The following PCSK5 variants were observed in gnomAD, a reference collection of about 807,000 sequenced individuals.
PCSK5 encodes the protein proprotein convertase subtilisin/kexin type 5, also known as prohormone convertase 5.
Under a neutral mutation model 233.2 loss-of-function variants are expected in PCSK5, and 129 were observed. That is an observed-to-expected ratio of 0.55 (90% CI 0.48 to 0.64). The LOEUF (loss-of-function observed/expected upper bound fraction) is 0.64, where lower values mean the gene tolerates loss of function less well. Ranked by LOEUF, PCSK5 falls within the 30% of genes least tolerant of loss-of-function variation. The pLI, the probability that PCSK5 is intolerant of heterozygous loss-of-function variation, is 0.00. For missense variants in PCSK5, 2,076 were observed against 2,430.1 expected (o/e 0.85, Z 3.06); for synonymous variants, 825 against 879.2 (o/e 0.94, Z 1.09).
At chr9:75,967,686 C>T (rs972461949) in intron 2 of PCSK5, among the ~76,000 whole-genome samples, 1 of 152,152 alleles carries the variant, frequency 6.6e-6, no homozygotes, top group Admixed American at 6.5e-5. Flanking sequence ...AAGGGGATTC[C>T]TCTGTTGCTA....
intron 2 of PCSK5, among the ~76,000 whole-genome samples, chr9:75,965,009 A>G (rs774615157): frequency 3.9e-5 from 6 of 152,266 alleles, no homozygotes; most frequent in Non-Finnish European, 8.8e-5. Flanking sequence ...GGGGGAACAG[A>G]CCTTTCCTAT....
chr9:75,936,369 T>C (rs1205114808), intron 2 of PCSK5, among the ~76,000 whole-genome samples: 1 of 152,270 alleles, frequency 6.6e-6, no homozygotes, highest in Non-Finnish European at 1.5e-5. Flanking sequence ...CATGCAATGC[T>C]GTTTGATAGC....
chr9:75,967,008 G>C (rs986647939), intron 2 of PCSK5, among the ~76,000 whole-genome samples: 7 of 152,138 alleles, frequency 4.6e-5, no homozygotes, highest in Admixed American at 3.9e-4. Context: ...AGTCTTCAAG[G>C]GGGGAAGGAG....
intron 2 of PCSK5, among the ~76,000 whole-genome samples, chr9:75,958,697 T>A (rs1825203559): frequency 6.6e-6 from 1 of 152,212 alleles, no homozygotes; most frequent in Admixed American, 6.5e-5. Context: ...TCTGTCTCTG[T>A]CTTTCATTGA....
At chr9:76,030,641 G>A (rs1004148132) in intron 5 of PCSK5, among the ~76,000 whole-genome samples, 25 of 152,048 alleles carry the variant, frequency 1.6e-4, no homozygotes, top group African/African-American at 5.6e-4. Context: ...AATGTTTCCT[G>A]CATGATTTTA....
rs961468571 is a variant in PCSK5, at chr9:76,094,642, C to T, written c.895-1248C>T. On this transcript the variant is annotated intron_variant, in intron 7 of 37. Coordinates refer to ENST00000674117, the MANE Select transcript of PCSK5 (RefSeq NM_001372043.1). ...TTTTCAAGATGGAGTCTCACTCTGT[C>T]GCCCAGCTGGAGTGCAGTGGCATGA... 2.6e-5 allele frequency among the ~76,000 whole-genome samples: 4 copies of T among 151,902 alleles called. No individual in the cohort carries two copies. In the South Asian group the frequency reaches 6.2e-4, roughly 24 times the overall value.
intron 12 of PCSK5, among the ~76,000 whole-genome samples, chr9:76,163,231 TTGAAAGTC>T (rs984117209): frequency 1.3e-5 from 2 of 152,256 alleles, no homozygotes; most frequent in Non-Finnish European, 2.9e-5. Flanking sequence ...CAGGAATTCC[TTGAAAGTC>T]TGTTTTCTGA....
chr9:76,022,248 T>G (rs964076426), intron 3 of PCSK5, among the ~76,000 whole-genome samples: 4 of 152,238 alleles, frequency 2.6e-5, no homozygotes, highest in Admixed American at 6.5e-5. Context: ...GACAGGGACC[T>G]CATCTGCCTT....
At chr9:76,292,397 A>T (rs1828306034) in intron 25 of PCSK5, 122 bp downstream of exon 25, 1 of 681,130 alleles carries the variant, frequency 1.5e-6, no homozygotes, top group African/African-American at 1.8e-5. Context: ...CTGTCCTGTC[A>T]GGCTATTAAT....
chr9:75,900,260 T>C (rs1358579354), intron 1 of PCSK5, among the ~76,000 whole-genome samples: 1 of 152,202 alleles, frequency 6.6e-6, no homozygotes, highest in East Asian at 1.9e-4. Flanking sequence ...AGTTTCTTCA[T>C]GTGTGTAAGG....
intron 23 of PCSK5, 116 bp from the exon 24 acceptor site, chr9:76,240,500 A>C: frequency 1.3e-6 from 1 of 746,778 alleles, no homozygotes; most frequent in Non-Finnish European, 2.3e-6. Flanking sequence ...TTTGGGCTTC[A>C]TAATTGCTCT....
At chr9:76,040,377 C>CAACAGG (rs1829057698) in intron 5 of PCSK5, among the ~76,000 whole-genome samples, 2 of 59,790 alleles carry the variant, frequency 3.3e-5, no homozygotes, top group African/African-American at 1.7e-4. Flanking sequence ...CTCTCTCTCT[C>CAACAGG]TCTCTCTGTC....
At chr9:76,284,147 G>T (rs1176734871) in intron 24 of PCSK5, among the ~76,000 whole-genome samples, 2 of 151,946 alleles carry the variant, frequency 1.3e-5, no homozygotes, top group African/African-American at 4.8e-5. Flanking sequence ...TTATGTTCAT[G>T]ATTTTTATGT....
intron 2 of PCSK5, among the ~76,000 whole-genome samples, chr9:75,948,744 C>T (rs543556833): frequency 6.6e-6 from 1 of 152,254 alleles, no homozygotes; most frequent in African/African-American, 2.4e-5. Flanking sequence ...ACACTGTCTT[C>T]TACAATGGTT....
intron 36 of PCSK5, among the ~76,000 whole-genome samples, 198 bp from the exon 37 acceptor site, chr9:76,353,835 C>T (rs7036539): frequency 0.38 from 57,479 of 151,930 alleles, 11,029 homozygotes; most frequent in Middle Eastern, 0.52. Flanking sequence ...AGGACAGGGC[C>T]CAGCCGTGAT....
chr9:76,312,595 GTATAAA>G (rs1332234894), intron 30 of PCSK5, among the ~76,000 whole-genome samples: 4 of 151,530 alleles, frequency 2.6e-5, no homozygotes, highest in African/African-American at 9.7e-5. Flanking sequence ...ACTCTATAGA[GTATAAA>G]TATAAGTTAT....
At chr9:76,232,245 G>A (rs893126677) in intron 21 of PCSK5, among the ~76,000 whole-genome samples, 22 of 152,336 alleles carry the variant, frequency 1.4e-4, no homozygotes, top group African/African-American at 5.1e-4. Flanking sequence ...AGGAGTAGTA[G>A]AGAGAAAAAG....
intron 9 of PCSK5, among the ~76,000 whole-genome samples, chr9:76,123,939 G>A: frequency 3.2e-5 from 1 of 31,268 alleles, no homozygotes; most frequent in Non-Finnish European, 5.3e-5. Flanking sequence ...GTTTTGCTTA[G>A]TTTTAGGATT....
At chr9:76,153,790 T>C (rs911375748) in intron 10 of PCSK5, among the ~76,000 whole-genome samples, 9 of 152,194 alleles carry the variant, frequency 5.9e-5, no homozygotes, top group African/African-American at 2.2e-4. Context: ...TAAATAACAT[T>C]TCTCTTCTAG....
Sources: gnomAD v4.1 joint callset for allele counts (sites outside exome capture counted in the v4.1 genomes callset) on GRCh38, gnomAD v4.1.1 for gene constraint, MANE v1.5 for transcripts, NCBI Gene and HGNC (gene_info 2026-07-23, HGNC 2026-07-21) for gene names.